Variants in INSL6 observed in about 807,000 individuals in gnomAD.
INSL6 encodes the protein insulin-like peptide INSL6.
INSL6 carries 16 observed loss-of-function variants against 9.4 expected under a neutral mutation model. The observed-to-expected ratio is 1.70, with a 90% CI of 1.15 to 2.59. The LOEUF is 2.59. Among genes scored for constraint, INSL6 ranks in the 30% most tolerant of loss-of-function variants. The pLI is 0.00. For missense variants in INSL6, 391 were observed against 257.3 expected, an observed-to-expected ratio of 1.52 and a Z score of -3.56; for synonymous variants, 154 against 96.9, an observed-to-expected ratio of 1.59 and a Z score of -3.46.
At chr9:5,006,269 G>A in the INSL6 span, among the ~76,000 whole-genome samples, 2 of 152,282 alleles carry the variant, frequency 1.3e-5, no homozygotes, top group East Asian at 3.9e-4. Flanking sequence ...GTGAACGGGA[G>A]TTCACTCATG....
the INSL6 span, among the ~76,000 whole-genome samples, chr9:5,039,571 T>A: frequency 1.6e-4 from 24 of 152,120 alleles, no homozygotes; most frequent in African/African-American, 5.8e-4. Context: ...GATTACATGA[T>A]CTTGCATATT....
At chr9:5,111,847 G>C in the INSL6 span, 7 of 400,756 alleles carry the variant, frequency 1.7e-5, no homozygotes, top group Non-Finnish European at 3.4e-5. Context: ...CGGCGGGGCC[G>C]ACAACCTCCT....
chr9:5,049,234 C>A, the INSL6 span, among the ~76,000 whole-genome samples: 1 of 152,184 alleles, frequency 6.6e-6, no homozygotes, highest in Admixed American at 6.5e-5. Context: ...TGCTACTACT[C>A]TGCCAATGGA....
the INSL6 span, among the ~76,000 whole-genome samples, chr9:5,036,418 A>T: frequency 1.3e-5 from 2 of 152,190 alleles, no homozygotes; most frequent in Admixed American, 1.3e-4. Context: ...CACATTGCCA[A>T]GTCAATCCTA....
chr9:5,055,660 T>A, the INSL6 span: 1 of 1,547,610 alleles, frequency 6.5e-7, no homozygotes, highest in Non-Finnish European at 8.9e-7. Context: ...TACATGCTTT[T>A]AATTATAGGA....
intron 1 of INSL6, among the ~76,000 whole-genome samples, chr9:5,176,093 C>A (rs898514969): frequency 6.6e-6 from 1 of 152,108 alleles, no homozygotes; most frequent in African/African-American, 2.4e-5. Flanking sequence ...CCTACCTTAT[C>A]TTCTACTACT....
the INSL6 span, chr9:5,073,599 GT>G: frequency 2.3e-6 from 2 of 869,514 alleles, no homozygotes; most frequent in East Asian, 4.9e-5. Context: ...CATGCTGAAA[GT>G]AGGAGAAAGT....
chr9:5,101,873 T>C, the INSL6 span, among the ~76,000 whole-genome samples: 1 of 151,984 alleles, frequency 6.6e-6, no homozygotes, highest in Non-Finnish European at 1.5e-5. Context: ...AAAAAGGGCA[T>C]CCACACCAAA....
intron 3 of INSL6, chr9:5,127,331 G>A: frequency 4.3e-6 from 1 of 232,026 alleles, no homozygotes; most frequent in Non-Finnish European, 8.6e-6. Flanking sequence ...AAGTACCTTT[G>A]TGTCCTTGTT....
the INSL6 span, chr9:5,080,614 G>T: frequency 1.2e-6 from 2 of 1,607,914 alleles, no homozygotes; most frequent in Non-Finnish European, 1.7e-6. Context: ...TAATTGTATG[G>T]ATTATGAACC....
chr9:5,007,564 A>G, the INSL6 span, among the ~76,000 whole-genome samples: 1 of 152,104 alleles, frequency 6.6e-6, no homozygotes, highest in Admixed American at 6.5e-5. Flanking sequence ...TAAAATATTA[A>G]GTAATCATTG....
chr9:5,137,927 G>A (rs574440940), intron 2 of INSL6, among the ~76,000 whole-genome samples: 2 of 151,538 alleles, frequency 1.3e-5, no homozygotes, highest in East Asian at 1.9e-4. Flanking sequence ...TGAAGGATAT[G>A]AACAGACATT....
chr9:5,042,476 C>T, the INSL6 span, among the ~76,000 whole-genome samples: 1 of 152,204 alleles, frequency 6.6e-6, no homozygotes, highest in African/African-American at 2.4e-5. Context: ...CTAGTCCTCC[C>T]CTCCAAGAGC....
the INSL6 span, among the ~76,000 whole-genome samples, chr9:5,031,743 G>A: frequency 6.6e-6 from 1 of 152,326 alleles, no homozygotes; most frequent in Non-Finnish European, 1.5e-5. Context: ...TCAAATGTCT[G>A]AAGGTTTCCT....
the INSL6 span, among the ~76,000 whole-genome samples, chr9:5,053,261 T>C: frequency 2.0e-5 from 3 of 152,090 alleles, no homozygotes; most frequent in African/African-American, 7.2e-5. Flanking sequence ...TTTTTGGCCA[T>C]TTGTATGCCT....
chr9:5,056,247 G>A, the INSL6 span, among the ~76,000 whole-genome samples: 4 of 152,002 alleles, frequency 2.6e-5, no homozygotes, highest in African/African-American at 9.7e-5. Flanking sequence ...TGTAGGACAT[G>A]GTTGATTCTA....
At chr9:5,179,271 TG>T (rs1285931841) in intron 1 of INSL6, among the ~76,000 whole-genome samples, 2 of 152,140 alleles carry the variant, frequency 1.3e-5, no homozygotes, top group Non-Finnish European at 2.9e-5. Context: ...TCAACATCAC[TG>T]ATCATTAGAG....
the INSL6 span, among the ~76,000 whole-genome samples, chr9:5,084,155 T>C: frequency 1.4e-4 from 22 of 152,170 alleles, no homozygotes; most frequent in Admixed American, 6.5e-5. Flanking sequence ...GTTTTCAAAA[T>C]ACATGTACAA....
At chr9:5,090,616 G>C in the INSL6 span, 1 of 1,544,992 alleles carries the variant, frequency 6.5e-7, no homozygotes, top group African/African-American at 1.4e-5. Flanking sequence ...CAACCGTGTT[G>C]AAGTAGACAT....
Sources: allele counts gnomAD v4.1 joint callset (sites outside exome capture counted in the v4.1 genomes callset), GRCh38; gene constraint gnomAD v4.1.1; transcripts MANE v1.5; gene names NCBI Gene and HGNC (gene_info 2026-07-23, HGNC 2026-07-21).